The following JMJD1C variants were observed in gnomAD, a reference collection of about 807,000 sequenced individuals.
JMJD1C encodes the protein jumonji domain-containing protein 1C.
A neutral mutation model predicts 245.3 loss-of-function variants in JMJD1C; 31 were observed. That is an observed-to-expected ratio of 0.13 (90% CI 0.09 to 0.17). The LOEUF (loss-of-function observed/expected upper bound fraction) is 0.17, where lower values mean the gene tolerates loss of function less well. Ranked by LOEUF, JMJD1C falls within the 10% of genes least tolerant of loss-of-function variation. The probability of loss-of-function intolerance (pLI) is 1.00; values close to 1 mark genes in which losing one functional copy is unlikely to be tolerated. For synonymous variants in JMJD1C, 1,057 were observed against 1,017.4 expected, an observed-to-expected ratio of 1.04 and a Z score of -0.74; for missense variants, 2,691 against 3,000.2, an observed-to-expected ratio of 0.90 and a Z score of 2.41.
At chr10:63,378,737 A>G (rs975727367) in intron 2 of JMJD1C, among the ~76,000 whole-genome samples, 1 of 152,208 alleles carries the variant, frequency 6.6e-6, no homozygotes, top group Non-Finnish European at 1.5e-5. Context: ...CTAATTATTC[A>G]TAATTTCTCA....
chr10:63,191,683 G>A (rs900247451), intron 16 of JMJD1C, among the ~76,000 whole-genome samples: 6 of 151,948 alleles, frequency 3.9e-5, no homozygotes, highest in East Asian at 1.9e-4. Context: ...AGCAAAGACA[G>A]GTAGAAAATA....
At chr10:63,306,029 C>A (rs1401618320) in intron 2 of JMJD1C, among the ~76,000 whole-genome samples, 2 of 151,810 alleles carry the variant, frequency 1.3e-5, no homozygotes, top group African/African-American at 2.4e-5. Context: ...GGTAGAGACC[C>A]CATCTCTTAA....
At chr10:63,337,550 CAAG>C (rs1942888947) in intron 2 of JMJD1C, among the ~76,000 whole-genome samples, 1 of 55,052 alleles carries the variant, frequency 1.8e-5, no homozygotes, top group African/African-American at 8.2e-5. Context: ...GAGGAGAGGA[CAAG>C]AAAAGAAAAG....
chr10:63,200,825 T>A (rs1845925522), intron 10 of JMJD1C, 148 bp from the exon 11 acceptor site: 1 of 669,740 alleles, frequency 1.5e-6, no homozygotes, highest in African/African-American at 1.8e-5. Context: ...TAGGTACTGA[T>A]TAATGACTAA....
chr10:63,284,313 A>G (rs1171508831), intron 2 of JMJD1C, among the ~76,000 whole-genome samples: 1 of 152,140 alleles, frequency 6.6e-6, no homozygotes, highest in African/African-American at 2.4e-5. Flanking sequence ...GGAGTGAGCC[A>G]CCCACACCTG....
chr10:63,248,649 C>T (rs1254758476), intron 3 of JMJD1C, among the ~76,000 whole-genome samples: 4 of 151,924 alleles, frequency 2.6e-5, no homozygotes, highest in Admixed American at 2.0e-4. Context: ...AAATTAGTAG[C>T]GTTATTGTGA....
intron 1 of JMJD1C, among the ~76,000 whole-genome samples, chr10:63,435,452 G>C (rs1237889322): frequency 6.6e-6 from 1 of 152,114 alleles, no homozygotes. Flanking sequence ...AACACAGATT[G>C]TAACAGCAAA....
intron 11 of JMJD1C, 46 bp from the exon 12 acceptor site, chr10:63,198,773 C>T: frequency 2.7e-6 from 3 of 1,118,482 alleles, no homozygotes; most frequent in Non-Finnish European, 2.6e-6. Context: ...CATATTAAAA[C>T]ATAAGTCCAG....
chr10:63,398,162 T>C (rs988175830), intron 1 of JMJD1C, among the ~76,000 whole-genome samples: 4 of 152,168 alleles, frequency 2.6e-5, no homozygotes, highest in Admixed American at 2.6e-4. Flanking sequence ...GGGTTGTTTG[T>C]TTTTCTTGTT....
At chr10:63,235,416 G>A (rs1462563528) in intron 3 of JMJD1C, among the ~76,000 whole-genome samples, 1 of 152,108 alleles carries the variant, frequency 6.6e-6, no homozygotes, top group East Asian at 1.9e-4. Flanking sequence ...AGAACTGCTT[G>A]AACCCGCGAG....
intron 2 of JMJD1C, among the ~76,000 whole-genome samples, chr10:63,345,497 A>G (rs1035018149): frequency 6.6e-6 from 1 of 151,692 alleles, no homozygotes; most frequent in Non-Finnish European, 1.5e-5. Context: ...TCAAAAAAAA[A>G]AAAAAAAACA....
chr10:63,341,031 A>G (rs572103042), intron 2 of JMJD1C, among the ~76,000 whole-genome samples: 1 of 152,364 alleles, frequency 6.6e-6, no homozygotes, highest in South Asian at 2.1e-4. Flanking sequence ...GTACAAAGCT[A>G]AAAATGAAGA....
In JMJD1C at chr10:63,203,141, T is replaced by C. The variant is rs1049706604; in HGVS notation, c.5075-2464A>G. 3 of 984,870 alleles carry C rather than the reference T, an allele frequency of 3.0e-6. No individual in the cohort carries two copies. In the African/African-American group the frequency reaches 5.2e-5, roughly 17 times the overall value. 61.0% of individuals were successfully genotyped at this position (984,870 alleles called of 1,614,324 possible). ...TTAAGGCCCAATTCATACGTAGAGC[T>C]TTTGATATTATAATTTTTGCTTCTA... On this transcript the variant is annotated intron_variant, in intron 10 of 25. Transcript: ENST00000399262.
intron 1 of JMJD1C, among the ~76,000 whole-genome samples, chr10:63,437,914 G>A (rs1006039481): frequency 1.3e-5 from 2 of 152,002 alleles, no homozygotes; most frequent in Non-Finnish European, 2.9e-5. Flanking sequence ...ATACCTCCCT[G>A]TCCCTTCTTT....
At chr10:63,225,141 T>A (rs750508472) in intron 3 of JMJD1C, among the ~76,000 whole-genome samples, 1 of 152,194 alleles carries the variant, frequency 6.6e-6, no homozygotes, top group Non-Finnish European at 1.5e-5. Flanking sequence ...AGTAGTTACC[T>A]ATATATAGTT....
upstream of JMJD1C, chr10:63,466,311 C>G (rs1009165622): frequency 3.9e-5 from 6 of 153,140 alleles, no homozygotes; most frequent in South Asian, 1.2e-3. Flanking sequence ...AAAATAAACT[C>G]CTGGGTTGAC....
intron 1 of JMJD1C, among the ~76,000 whole-genome samples, chr10:63,473,271 G>T (rs1010902738): frequency 6.6e-6 from 1 of 151,216 alleles, no homozygotes; most frequent in Admixed American, 6.6e-5. Context: ...TTTGAGACAC[G>T]GTCTCACTCT....
At chr10:63,251,101 T>C (rs920512522) in intron 3 of JMJD1C, among the ~76,000 whole-genome samples, 5 of 152,148 alleles carry the variant, frequency 3.3e-5, no homozygotes, top group Non-Finnish European at 7.3e-5. Context: ...ACATACTGGA[T>C]GTTTTGGGCC....
rs370256419 is a variant in JMJD1C, at chr10:63,177,807, T to C, written c.7134A>G (p.Lys2378=). ...GTATTTCACTTGAGTCCTTCAATCT[T>C]TTCCTTAAAATGTCATCCAAATCTT... The part of the protein sequence containing the change: ...EEEDLDDILR[K]RLKDSSEIPG... Residue 2378 remains lysine, a synonymous_variant, in exon 23 of 26, where the codon AAA becomes AAG. Transcript: ENST00000399262. 2.4e-5 allele frequency: 38 copies of C among 1,613,724 alleles called. No individual in the cohort carries two copies. The highest frequency in any genetic ancestry group is 3.1e-5 in the Non-Finnish European group (37 of 1,179,802).
Sources: gnomAD v4.1 joint callset for allele counts (sites outside exome capture counted in the v4.1 genomes callset) on GRCh38, gnomAD v4.1.1 for gene constraint, MANE v1.5 for transcripts, NCBI Gene and HGNC (gene_info 2026-07-23, HGNC 2026-07-21) for gene names.